The following CLMP variants were observed in gnomAD, a reference collection of about 807,000 sequenced individuals.
CLMP encodes the protein CXADR like cell adhesion molecule.
CLMP carries 27 observed loss-of-function variants against 45.2 expected under a neutral mutation model. The observed-to-expected ratio is 0.60, with a 90% CI of 0.44 to 0.82. The LOEUF is 0.82. Among genes scored for constraint, CLMP ranks in the 40% least tolerant of loss-of-function variants. The probability of loss-of-function intolerance (pLI) is 0.00; values close to 1 mark genes in which losing one functional copy is unlikely to be tolerated. For synonymous variants in CLMP, 167 were observed against 171.4 expected (o/e 0.97, Z 0.20); for missense variants, 403 against 448.4 (o/e 0.90, Z 0.91).
At chr11:123,109,594 G>A (rs920220019) in intron 1 of CLMP, among the ~76,000 whole-genome samples, 14 of 152,180 alleles carry the variant, frequency 9.2e-5, no homozygotes, top group Admixed American at 7.2e-4. Context: ...AGCTAATCTG[G>A]TTGGACACAC....
intron 1 of CLMP, among the ~76,000 whole-genome samples, chr11:123,112,745 G>A (rs1860656999): frequency 6.7e-6 from 1 of 150,068 alleles, no homozygotes; most frequent in Non-Finnish European, 1.5e-5. Context: ...ACGGTTCCAA[G>A]ATCTTGACAG....
chr11:123,187,062 G>A (rs1211739700), intron 1 of CLMP, among the ~76,000 whole-genome samples: 3 of 152,158 alleles, frequency 2.0e-5, no homozygotes, highest in Non-Finnish European at 2.9e-5. Context: ...CAAGCAGAGC[G>A]TTAAAACTCT....
At chr11:123,077,337 T>G (rs936032825) in intron 5 of CLMP, among the ~76,000 whole-genome samples, 1 of 151,542 alleles carries the variant, frequency 6.6e-6, no homozygotes, top group Non-Finnish European at 1.5e-5. Context: ...ATACAATTAT[T>G]TATTTATTTT....
intron 1 of CLMP, among the ~76,000 whole-genome samples, chr11:123,140,765 T>A (rs1861142950): frequency 6.6e-6 from 1 of 152,164 alleles, no homozygotes; most frequent in South Asian, 2.1e-4. Flanking sequence ...ATTCCCTACA[T>A]GCTAGTTGCA....
chr11:123,157,574 C>A (rs1194532309), intron 1 of CLMP, among the ~76,000 whole-genome samples: 1 of 151,896 alleles, frequency 6.6e-6, no homozygotes, highest in African/African-American at 2.4e-5. Flanking sequence ...CCAAAATTAG[C>A]TGGGCATGGT....
At chr11:123,181,102 C>A (rs989342315) in intron 1 of CLMP, among the ~76,000 whole-genome samples, 1 of 152,166 alleles carries the variant, frequency 6.6e-6, no homozygotes, top group Non-Finnish European at 1.5e-5. Flanking sequence ...CAAATGAATA[C>A]CACACAGCGT....
rs190958613 is a variant in CLMP at position 123,103,088 on chromosome 11, T to C, written c.29-5136A>G. On this transcript the variant is annotated intron_variant, in intron 1 of 6. Transcript: ENST00000448775. ...GGGTAAAAGAGACAGCCCAAGGTCC[T>C]ACAACTCATTTAGCGGCAGAAATAA... 7.7e-4 allele frequency among the ~76,000 whole-genome samples: 118 copies of C among 152,278 alleles called. 1 individual carries two copies. The highest frequency in any genetic ancestry group is 2.7e-3 in the African/African-American group (114 of 41,556).
chr11:123,193,356 A>G (rs1369566781), intron 1 of CLMP, among the ~76,000 whole-genome samples: 1 of 152,264 alleles, frequency 6.6e-6, no homozygotes, highest in African/African-American at 2.4e-5. Flanking sequence ...AAGTGTTCAT[A>G]TAACAAGGAC....
rs141096569 is a variant in CLMP, at chr11:123,104,870, T to C, written c.29-6918A>G. Among the ~76,000 whole-genome samples, 125 of 152,326 alleles carry C rather than the reference T, an allele frequency of 8.2e-4. No individual in the cohort carries two copies. In the Middle Eastern group the frequency reaches 0.014, roughly 17 times the overall value. On this transcript the variant is annotated intron_variant, in intron 1 of 6. Transcript: ENST00000448775. ...TCATCAGTTTAACTTATGAGGAGATTGCACCCCAGAGAATTGAGATGTCAC... is the reference window on the plus strand; with the variant it reads ...TCATCAGTTTAACTTATGAGGAGATCGCACCCCAGAGAATTGAGATGTCAC...
chr11:123,079,874 C>T (rs1436475738), intron 5 of CLMP, among the ~76,000 whole-genome samples: 4 of 152,204 alleles, frequency 2.6e-5, no homozygotes, highest in Non-Finnish European at 4.4e-5. Context: ...AATAATTTAT[C>T]CACCAGTTAA....
chr11:123,150,222 A>G lies in CLMP; in HGVS notation c.28+44691T>C, dbSNP rs576028180. On this transcript the variant is annotated intron_variant, in intron 1 of 6. Coordinates refer to ENST00000448775, the MANE Select transcript of CLMP (RefSeq NM_024769.5). Reference sequence around the variant, plus strand: ...ACTAAACACACACACACACACACACACACACACAGGGATTAGATCATAGAG... The same window carrying G: ...ACTAAACACACACACACACACACACGCACACACAGGGATTAGATCATAGAG... 8.0e-5 allele frequency among the ~76,000 whole-genome samples: 12 copies of G among 150,928 alleles called. No individual in the cohort carries two copies. In the South Asian group the frequency reaches 2.5e-3, roughly 32 times the overall value.
At chr11:123,084,340 G>T (rs975382231) in intron 3 of CLMP, among the ~76,000 whole-genome samples, 172 bp downstream of exon 3, 20 of 152,090 alleles carry the variant, frequency 1.3e-4, no homozygotes, top group Admixed American at 1.1e-3. Flanking sequence ...TTTTATTATG[G>T]CTATAATACA....
At chr11:123,099,552 C>A (rs566431389) in intron 1 of CLMP, among the ~76,000 whole-genome samples, 1 of 151,854 alleles carries the variant, frequency 6.6e-6, no homozygotes, top group African/African-American at 2.4e-5. Flanking sequence ...GAATAAAAGG[C>A]AATTTATTTT....
intron 1 of CLMP, among the ~76,000 whole-genome samples, chr11:123,154,547 T>C (rs11219035): frequency 0.055 from 8,400 of 152,198 alleles, 318 homozygotes; most frequent in African/African-American, 0.1. Flanking sequence ...TTAAATCTCT[T>C]ATGTCAGATA....
chr11:123,100,848 A>G (rs1187496697), intron 1 of CLMP, among the ~76,000 whole-genome samples: 1 of 150,648 alleles, frequency 6.6e-6, no homozygotes, highest in Non-Finnish European at 1.5e-5. Context: ...AGGGCTTGGC[A>G]TCCTCCCCAA....
intron 1 of CLMP, among the ~76,000 whole-genome samples, chr11:123,181,905 C>A (rs1861775313): frequency 6.6e-6 from 1 of 152,206 alleles, no homozygotes; most frequent in African/African-American, 2.4e-5. Flanking sequence ...TCCAGGCCTG[C>A]CTGTCATTCC....
chr11:123,140,408 G>A (rs1408662083), intron 1 of CLMP, among the ~76,000 whole-genome samples: 3 of 152,168 alleles, frequency 2.0e-5, no homozygotes, highest in African/African-American at 7.2e-5. Flanking sequence ...AAGGTGAAAT[G>A]TAAAAGGGAT....
intron 1 of CLMP, among the ~76,000 whole-genome samples, chr11:123,150,707 G>C (rs693095): frequency 3.9e-5 from 6 of 152,146 alleles, no homozygotes; most frequent in African/African-American, 1.4e-4. Flanking sequence ...AATTCTGAAA[G>C]TCATGACTTC....
At chr11:123,150,416 T>TAAGAAAGGAAGAAAGA (rs1861297567) in intron 1 of CLMP, among the ~76,000 whole-genome samples, 2 of 30,892 alleles carry the variant, frequency 6.5e-5, no homozygotes, top group African/African-American at 2.8e-4. Flanking sequence ...GGAAGGAAGG[T>TAAGAAAGGAAGAAAGA]AAGAAAGAAA....
Sources: allele counts gnomAD v4.1 joint callset (sites outside exome capture counted in the v4.1 genomes callset), GRCh38; gene constraint gnomAD v4.1.1; transcripts MANE v1.5; gene names NCBI Gene and HGNC (gene_info 2026-07-23, HGNC 2026-07-21).